Variants in LETM1 observed in about 807,000 individuals in gnomAD.
LETM1 encodes mitochondrial proton/calcium exchanger protein.
In LETM1, 50 loss-of-function variants were observed where a neutral mutation model predicts 74.5. The observed-to-expected ratio is 0.67, with a 90% confidence interval of 0.53 to 0.85. The LOEUF is 0.85. LETM1 is among the 40% of genes least tolerant of loss of function. The probability of loss-of-function intolerance (pLI) is 0.00; values close to 1 mark genes in which losing one functional copy is unlikely to be tolerated. For missense variants in LETM1, 824 were observed against 967.8 expected (o/e 0.85, Z 1.97); for synonymous variants, 446 against 407.1 (o/e 1.10, Z -1.15).
At chr4:1,845,438 A>G (rs1292425053) in intron 2 of LETM1, among the ~76,000 whole-genome samples, 2 of 152,080 alleles carry the variant, frequency 1.3e-5, no homozygotes, top group Non-Finnish European at 2.9e-5. Flanking sequence ...AAAACTTTGT[A>G]TTTTTGTACT....
chr4:1,849,146 C>T lies in LETM1; in HGVS notation c.143+3G>A. On this transcript the variant is annotated splice_donor_region_variant and intron_variant, in intron 2 of 13. Transcript: ENST00000302787. ...AGGTGCAGAGTGATACTGATTTACT[C>T]ACAGGCAGTTCCTCAACCCCAGGGT... 1 of 1,607,926 alleles carries T rather than the reference C, an allele frequency of 6.2e-7. No homozygotes were observed. The highest frequency in any genetic ancestry group is 8.5e-7 in the Non-Finnish European group (1 of 1,174,282).
At chr4:1,821,584 A>G (rs1437119164) in intron 10 of LETM1, among the ~76,000 whole-genome samples, 1 of 152,064 alleles carries the variant, frequency 6.6e-6, no homozygotes, top group Admixed American at 6.5e-5. Context: ...AGATATTGGG[A>G]GGCTGAGGCA....
chr4:1,841,662 C>T lies in LETM1; in HGVS notation c.279G>A (p.Val93=), dbSNP rs377491477. Residue 93 remains valine, a synonymous_variant, in exon 3 of 14, where the codon GTG becomes GTA. Coordinates refer to ENST00000302787, the MANE Select transcript of LETM1 (RefSeq NM_012318.3). ...ACTGAGGTCCCACAGCCACAAAACC[C>T]ACAGAGGTAGAGGTCCATGGCGCTC... ...VSRAPWTSTS[V]GFVAVGPQCL... 38 of 1,614,198 alleles carry T rather than the reference C, an allele frequency of 2.4e-5. 1 individual carries two copies. The Middle Eastern group carries it at 2.5e-3, about 105-fold the overall frequency.
rs1456949296 is a variant in LETM1 at position 1,813,944 on chromosome 4, A to C, written c.*480T>G. On this transcript the variant is annotated 3_prime_UTR_variant, in exon 14 of 14. Transcript: ENST00000302787. Reference sequence around the variant, plus strand: ...AGGAAGACAGGTCTATTGACACTGAAATCTAGAAATCAAGGTCCACAGGCG... The same window carrying C: ...AGGAAGACAGGTCTATTGACACTGACATCTAGAAATCAAGGTCCACAGGCG... 4 of 177,918 alleles carry C rather than the reference A, an allele frequency of 2.2e-5. No individual in the cohort carries two copies. The highest frequency in any genetic ancestry group is 3.7e-5 in the Non-Finnish European group (3 of 81,868). The allele number at this position is 177,918 out of a possible 1,614,324, so 11.0% of individuals were successfully genotyped here. A position where few individuals can be genotyped will look rare whatever the true frequency, so the allele number is the denominator to read the frequency against.
At chr4:1,823,351 T>C (rs1257382414) in intron 8 of LETM1, among the ~76,000 whole-genome samples, 2 of 152,198 alleles carry the variant, frequency 1.3e-5, no homozygotes, top group South Asian at 2.1e-4. Context: ...GGAAGGAGCA[T>C]AGGCGCTGCT....
At chr4:1,850,335 C>T (rs534020146) in intron 1 of LETM1, among the ~76,000 whole-genome samples, 1 of 152,058 alleles carries the variant, frequency 6.6e-6, no homozygotes, top group African/African-American at 2.4e-5. Context: ...TCAAGTAGAT[C>T]CTGACTCCAG....
At chr4:1,840,530 G>A (rs1712650110) in intron 3 of LETM1, among the ~76,000 whole-genome samples, 1 of 151,922 alleles carries the variant, frequency 6.6e-6, no homozygotes, top group African/African-American at 2.4e-5. Flanking sequence ...AGCCGGGCGT[G>A]GTGGCGGGTG....
chr4:1,828,748 G>A (rs1712127117), intron 6 of LETM1, among the ~76,000 whole-genome samples: 1 of 135,864 alleles, frequency 7.4e-6, no homozygotes, highest in Non-Finnish European at 1.6e-5. Context: ...CCACTTCCCA[G>A]CAGGGGCGGC....
chr4:1,850,409 AT>A (rs1303347463), intron 1 of LETM1, among the ~76,000 whole-genome samples: 2 of 152,174 alleles, frequency 1.3e-5, no homozygotes, highest in Non-Finnish European at 2.9e-5. Context: ...CGGTGGCACC[AT>A]CCCCACTCAC....
intron 3 of LETM1, among the ~76,000 whole-genome samples, chr4:1,838,718 CG>C (rs1712575690): frequency 6.6e-6 from 1 of 152,008 alleles, no homozygotes; most frequent in African/African-American, 2.4e-5. Flanking sequence ...GCCACAAAAA[CG>C]TAATATAAAC....
intron 1 of LETM1, among the ~76,000 whole-genome samples, chr4:1,854,818 A>T (rs968039424): frequency 6.6e-6 from 1 of 152,092 alleles, no homozygotes; most frequent in African/African-American, 2.4e-5. Context: ...AAACAAACAA[A>T]AAAAAACAAG....
rs546013725 is a variant in LETM1 at position 1,832,804 on chromosome 4, G to A, written c.1020C>T (p.Thr340=). ...CKLLELQSIG[T]NNFLRFQLTM... ...TAAGCTGGAAGCGCAGGAAGTTGTT[G>A]GTGCCGATGGACTGTAGCTCCAGCA... is the stretch of plus-strand genomic sequence containing the variant. Residue 340 remains threonine, a synonymous_variant, in exon 6 of 14, where the codon ACC becomes ACT. Transcript: ENST00000302787. 1 of 1,614,214 alleles carries A rather than the reference G, an allele frequency of 6.2e-7. No homozygotes were observed. Among genetic ancestry groups the A allele is most frequent in the South Asian group, 1.1e-5 (1 of 91,078 alleles).
intron 3 of LETM1, among the ~76,000 whole-genome samples, chr4:1,837,002 CT>C (rs1337352927): frequency 6.6e-6 from 1 of 152,142 alleles, no homozygotes; most frequent in Non-Finnish European, 1.5e-5. Flanking sequence ...CTTGTGTTTC[CT>C]AAGACTATAC....
In LETM1 at chr4:1,848,506, C is replaced by T. The variant is rs191568625; in HGVS notation, c.143+643G>A. Among the ~76,000 whole-genome samples the T allele has an allele frequency of 1.4e-4, 21 of 150,862 alleles. No individual in the cohort carries two copies. The East Asian group carries it at 4.1e-3, about 29-fold the overall frequency. ...GATCTTGCAGTGAGCTGATATTGCG[C>T]CACTGCACTCCAGCCTGGGTGACAG... On this transcript the variant is annotated intron_variant, in intron 2 of 13. Coordinates refer to ENST00000302787, the MANE Select transcript of LETM1 (RefSeq NM_012318.3).
At position 1,822,547 on chromosome 4, in the gene LETM1, CT is replaced by C. The variant is rs1577312089; in HGVS notation, c.1477-236del. ...TTATCCATCTCTGGTCTCCCCAAGACTCCCCCAAGCTGCCCTGTCACTTGCA... is the reference window on the plus strand; with the variant it reads ...TTATCCATCTCTGGTCTCCCCAAGACCCCCCAAGCTGCCCTGTCACTTGCA... On this transcript the variant is annotated intron_variant, in intron 9 of 13. Coordinates refer to ENST00000302787, the MANE Select transcript of LETM1 (RefSeq NM_012318.3). The C allele has an allele frequency of 1.0e-5, 4 of 383,670 alleles. No homozygotes were observed. The East Asian group carries it at 1.6e-4, about 15-fold the overall frequency. 23.8% of individuals were successfully genotyped at this position (383,670 alleles called of 1,614,324 possible).
intron 2 of LETM1, among the ~76,000 whole-genome samples, chr4:1,842,443 C>T (rs114786597): frequency 1.2e-4 from 18 of 152,342 alleles, no homozygotes; most frequent in South Asian, 8.3e-4. Flanking sequence ...CCTGCCCCCC[C>T]GCCTGGACAT....
At chr4:1,846,778 A>G (rs1293131689) in intron 2 of LETM1, 1 of 152,194 alleles carries the variant, frequency 6.6e-6, no homozygotes, top group African/African-American at 2.4e-5. Flanking sequence ...CTACTGAGCT[A>G]AGAAATGAAA....
At chr4:1,851,766 G>A (rs1713078645) in intron 1 of LETM1, among the ~76,000 whole-genome samples, 1 of 152,218 alleles carries the variant, frequency 6.6e-6, no homozygotes, top group Admixed American at 6.5e-5. Context: ...GCCCCGGCCA[G>A]CTCCTGTGCC....
At chr4:1,840,559 C>T (rs1003500660) in intron 3 of LETM1, among the ~76,000 whole-genome samples, 5 of 150,742 alleles carry the variant, frequency 3.3e-5, no homozygotes, top group East Asian at 3.9e-4. Context: ...GCCAGCTACT[C>T]GGGAGGCTGA....
Sources: gnomAD v4.1 joint callset for allele counts (sites outside exome capture counted in the v4.1 genomes callset) on GRCh38, gnomAD v4.1.1 for gene constraint, MANE v1.5 for transcripts, NCBI Gene and HGNC (gene_info 2026-07-23, HGNC 2026-07-21) for gene names.